SMC5: variants seen among roughly 807,000 people sequenced by gnomAD.
SMC5 encodes the protein structural maintenance of chromosomes protein 5.
SMC5 carries 88 observed loss-of-function variants against 148.3 expected under a neutral mutation model. The observed-to-expected ratio is 0.59, with a 90% CI of 0.50 to 0.71. SMC5 has a LOEUF of 0.71. SMC5 is among the 30% of genes least tolerant of loss of function. The pLI, the probability that SMC5 is intolerant of heterozygous loss-of-function variation, is 0.00. For missense variants in SMC5, 1,142 were observed against 1,298.9 expected (o/e 0.88, Z 1.86); for synonymous variants, 421 against 432.8 (o/e 0.97, Z 0.34).
At chr9:70,261,983 C>G (rs1369728993) in intron 1 of SMC5, among the ~76,000 whole-genome samples, 1 of 152,008 alleles carries the variant, frequency 6.6e-6, no homozygotes, top group African/African-American at 2.4e-5. Flanking sequence ...CTTTGCAGGC[C>G]GGATGCAAAG....
At chr9:70,296,157 C>G (rs1311070005) in intron 8 of SMC5, among the ~76,000 whole-genome samples, 2 of 151,988 alleles carry the variant, frequency 1.3e-5, no homozygotes, top group Non-Finnish European at 2.9e-5. Context: ...TGTGGTATAT[C>G]CATATCAGAG....
In SMC5 at chr9:70,313,834, A is replaced by G. The variant is rs74438975; in HGVS notation, c.1579-908A>G. ...TTTATTATATTCTGGAATCGTGGGTAATAACATTGTAGAGACTGGATTCAA... is the reference window on the plus strand; with the variant it reads ...TTTATTATATTCTGGAATCGTGGGTGATAACATTGTAGAGACTGGATTCAA... On this transcript the variant is annotated intron_variant, in intron 11 of 24. Coordinates refer to ENST00000361138, the MANE Select transcript of SMC5 (RefSeq NM_015110.4). 4.6e-5 allele frequency among the ~76,000 whole-genome samples: 7 copies of G among 152,122 alleles called. No individual in the cohort carries two copies. The East Asian group carries it at 1.3e-3, about 29-fold the overall frequency.
In SMC5 at chr9:70,278,381, TG is replaced by T. The variant is rs1168710179; in HGVS notation, c.544-109del. 1.2e-5 allele frequency: 12 copies of T among 960,658 alleles called. No homozygotes were observed. In the East Asian group the frequency reaches 2.2e-4, roughly 18 times the overall value. The allele number at this position is 960,658 out of a possible 1,614,324, so 59.5% of individuals were successfully genotyped here. Reference sequence around the variant, plus strand: ...ATGCACAAAAGGTTTATATCTCAAATGTTTTTTTTAATGAGTTTCACCTTGA... The same window carrying T: ...ATGCACAAAAGGTTTATATCTCAAATTTTTTTTTAATGAGTTTCACCTTGA... On this transcript the variant is annotated intron_variant, in intron 4 of 24. Coordinates refer to ENST00000361138, the MANE Select transcript of SMC5 (RefSeq NM_015110.4).
Position 70,298,359 on chromosome 9 carries a change from A to G in SMC5, c.1309+138A>G, listed in dbSNP as rs529795394. 1.2e-3 allele frequency: 1,064 copies of G among 882,770 alleles called. 1 individual carries two copies. The highest frequency in any genetic ancestry group is 1.7e-3 in the Non-Finnish European group (988 of 593,198). The allele number at this position is 882,770 out of a possible 1,614,324, so 54.7% of individuals were successfully genotyped here. On this transcript the variant is annotated intron_variant, in intron 9 of 24. Transcript: ENST00000361138. ...GAGGAAGCTCAACTCAGTTCTTCCAACTTCATACCTTAATTATCTATATCT... is the reference window on the plus strand; with the variant it reads ...GAGGAAGCTCAACTCAGTTCTTCCAGCTTCATACCTTAATTATCTATATCT...
chr9:70,343,721 C>T (rs936338446), intron 17 of SMC5, among the ~76,000 whole-genome samples: 3 of 152,002 alleles, frequency 2.0e-5, no homozygotes, highest in Non-Finnish European at 4.4e-5. Context: ...GAGGCTGAGG[C>T]GTGATAATCA....
chr9:70,269,400 G>A (rs1027435131), intron 3 of SMC5, among the ~76,000 whole-genome samples: 2 of 152,008 alleles, frequency 1.3e-5, no homozygotes, highest in Non-Finnish European at 2.9e-5. Context: ...TGAGCAACAT[G>A]GCAAAACCCC....
intron 3 of SMC5, among the ~76,000 whole-genome samples, chr9:70,275,902 G>A (rs1442410905): frequency 6.6e-6 from 1 of 151,888 alleles, no homozygotes; most frequent in African/African-American, 2.4e-5. Context: ...AGACATATTA[G>A]GCTTTCTTAG....
chr9:70,309,016 G>A lies in SMC5; in HGVS notation c.1578+3656G>A, dbSNP rs140579407. Among the ~76,000 whole-genome samples, 77 of 152,266 alleles carry A rather than the reference G, an allele frequency of 5.1e-4. 1 individual carries two copies. Among genetic ancestry groups the A allele is most frequent in the East Asian group, 3.7e-3 (19 of 5,188 alleles). On this transcript the variant is annotated intron_variant, in intron 11 of 24. Transcript: ENST00000361138. ...AGTTTATACTATTTATATCTATTAA[G>A]TGTGAATAGCATTATGTCTAAAAAA...
Position 70,315,702 on chromosome 9 carries a change from G to A in SMC5, c.1806+124G>A. 3.0e-6 allele frequency: 2 copies of A among 672,374 alleles called. 1 individual carries two copies. Among genetic ancestry groups the A allele is most frequent in the South Asian group, 8.5e-5 (2 of 23,552 alleles). The allele number at this position is 672,374 out of a possible 1,614,324, so 41.7% of individuals were successfully genotyped here. ...TAAGTCTGTTGTTTTTAACCATGCA[G>A]AAATTATATTTGTATTAATTATTTT... On this transcript the variant is annotated intron_variant, in intron 13 of 24. Transcript: ENST00000361138.
rs756731644 is a variant in SMC5 at position 70,273,453 on chromosome 9, A to T, written c.381-3857A>T. 8.6e-4 allele frequency among the ~76,000 whole-genome samples: 130 copies of T among 151,938 alleles called. 1 individual carries two copies. Among genetic ancestry groups the T allele is most frequent in the Non-Finnish European group, 1.9e-4 (13 of 67,942 alleles). On this transcript the variant is annotated intron_variant, in intron 3 of 24. Transcript: ENST00000361138. ...CTTGTCAATTTTAGTAGTTTTTTTC[A>T]ATGAACTAACTTTTGCATTTGTCGT...
chr9:70,323,745 G>A, intron 16 of SMC5, 139 bp downstream of exon 16: 1 of 1,029,218 alleles, frequency 9.7e-7, no homozygotes, highest in Non-Finnish European at 1.4e-6. Flanking sequence ...TTTATCATCA[G>A]TTTCAGCTTG....
At chr9:70,269,299 C>A (rs893112431) in intron 3 of SMC5, among the ~76,000 whole-genome samples, 1 of 152,044 alleles carries the variant, frequency 6.6e-6, no homozygotes, top group African/African-American at 2.4e-5. Context: ...ATTAACATGT[C>A]AGACCAGGTG....
chr9:70,296,647 A>C (rs941519036), intron 8 of SMC5, among the ~76,000 whole-genome samples: 1 of 152,220 alleles, frequency 6.6e-6, no homozygotes, highest in African/African-American at 2.4e-5. Flanking sequence ...ATGCATTATA[A>C]CTTTTATAAT....
At chr9:70,339,527 T>C (rs2036461451) in intron 17 of SMC5, among the ~76,000 whole-genome samples, 1 of 152,218 alleles carries the variant, frequency 6.6e-6, no homozygotes, top group South Asian at 2.1e-4. Context: ...TGTTTTCTTC[T>C]CATGTTTGCT....
intron 15 of SMC5, 152 bp from the exon 16 acceptor site, chr9:70,323,331 A>C (rs921680769): frequency 1.4e-5 from 9 of 646,868 alleles, no homozygotes; most frequent in Non-Finnish European, 1.2e-5. Flanking sequence ...AGCAACAGAA[A>C]CAACTTATAT....
At chr9:70,307,306 T>A (rs1366097055) in intron 11 of SMC5, among the ~76,000 whole-genome samples, 1 of 152,176 alleles carries the variant, frequency 6.6e-6, no homozygotes, top group Non-Finnish European at 1.5e-5. Context: ...GGAGATACTT[T>A]GAGATTGCAG....
chr9:70,272,159 A>C (rs142049131), intron 3 of SMC5, among the ~76,000 whole-genome samples: 12 of 152,310 alleles, frequency 7.9e-5, no homozygotes, highest in Non-Finnish European at 1.5e-4. Flanking sequence ...GAGAAGGAGC[A>C]AGATATCAGG....
chr9:70,342,061 A>G lies in SMC5; in HGVS notation c.2398-2083A>G, dbSNP rs538287847. Among the ~76,000 whole-genome samples the G allele has an allele frequency of 8.6e-5, 13 of 151,430 alleles. No homozygotes were observed. The South Asian group carries it at 2.7e-3, about 32-fold the overall frequency. ...ACACCATGGAATACTATGCAGCCAT[A>G]AAAAATGATGAGTTCATGTCCTTTG... On this transcript the variant is annotated intron_variant, in intron 17 of 24. Transcript: ENST00000361138.
chr9:70,295,046 A>T (rs7872236), intron 8 of SMC5, among the ~76,000 whole-genome samples: 21,598 of 151,940 alleles, frequency 0.14, 2,108 homozygotes, highest in African/African-American at 0.27. Context: ...TACAGTGGGG[A>T]TTAATGAGAA....
Sources: gnomAD v4.1 joint callset for allele counts (sites outside exome capture counted in the v4.1 genomes callset) on GRCh38, gnomAD v4.1.1 for gene constraint, MANE v1.5 for transcripts, NCBI Gene and HGNC (gene_info 2026-07-23, HGNC 2026-07-21) for gene names.